MEMO1: variants seen among roughly 807,000 people sequenced by gnomAD.
MEMO1 encodes the protein mediator of cell motility 1.
In MEMO1, 6 loss-of-function variants were observed where a neutral mutation model predicts 45.2. That is an observed-to-expected ratio of 0.13 (90% CI 0.07 to 0.26). MEMO1 has a LOEUF of 0.26. Ranked by LOEUF, MEMO1 falls within the 10% of genes least tolerant of loss-of-function variation. MEMO1 has a pLI of 1.00. For synonymous variants in MEMO1, 78 were observed against 124.3 expected (o/e 0.63, Z 2.48); for missense variants, 184 against 370.5 (o/e 0.50, Z 4.13).
intron 2 of MEMO1, among the ~76,000 whole-genome samples, chr2:31,961,905 T>G (rs897808285): frequency 1.3e-5 from 2 of 152,112 alleles, no homozygotes; most frequent in African/African-American, 4.8e-5. Context: ...ATGGCAATGC[T>G]AAGAATCTGA....
At chr2:32,005,526 G>C (rs1673958704) in intron 2 of MEMO1, among the ~76,000 whole-genome samples, 1 of 151,932 alleles carries the variant, frequency 6.6e-6, no homozygotes, top group African/African-American at 2.4e-5. Context: ...AGCTGAACTT[G>C]TTTAAAGTAT....
rs541021432 is a variant in MEMO1 at position 31,929,349 on chromosome 2, C to T, written c.212+2718G>A. Among the ~76,000 whole-genome samples the T allele has an allele frequency of 9.2e-5, 14 of 152,062 alleles. No homozygotes were observed. In the South Asian group the frequency reaches 2.7e-3, roughly 29 times the overall value. ...CAAATATTTTTCCCATTCCGTTCATCGCTTCCACTGGTTACATTATGACAT... is the reference window on the plus strand; with the variant it reads ...CAAATATTTTTCCCATTCCGTTCATTGCTTCCACTGGTTACATTATGACAT... On this transcript the variant is annotated intron_variant, in intron 4 of 9. Coordinates refer to ENST00000404530, the MANE Select transcript of MEMO1 (RefSeq NM_001301833.4).
At chr2:31,936,020 G>A (rs755493591) in intron 3 of MEMO1, among the ~76,000 whole-genome samples, 10 of 151,952 alleles carry the variant, frequency 6.6e-5, no homozygotes, top group Non-Finnish European at 1.5e-4. Context: ...CTGGAGTGCA[G>A]TGGCCACATC....
At position 31,895,923 on chromosome 2, in the gene MEMO1, G is replaced by A. The variant is rs540556113; in HGVS notation, c.438-3789C>T. ...AGTGGCGAGATCTCAGCTCACTGTA[G>A]GCTCCGCCCCCCGGGGTTCACACCA... On this transcript the variant is annotated intron_variant, in intron 6 of 9. Transcript: ENST00000404530. Among the ~76,000 whole-genome samples, 7 of 144,318 alleles carry A rather than the reference G, an allele frequency of 4.9e-5. No homozygotes were observed. The South Asian group carries it at 1.5e-3, about 31-fold the overall frequency. 94.7% of individuals were successfully genotyped at this position (144,318 alleles called of 152,430 possible). A position where few individuals can be genotyped will look rare whatever the true frequency, so the allele number is the denominator to read the frequency against.
chr2:31,991,400 C>T (rs1671929226), intron 2 of MEMO1, among the ~76,000 whole-genome samples: 1 of 152,014 alleles, frequency 6.6e-6, no homozygotes, highest in South Asian at 2.1e-4. Flanking sequence ...GGAGAAACCC[C>T]GTCTCTACTA....
intron 4 of MEMO1, chr2:31,923,772 A>G: frequency 6.6e-7 from 1 of 1,513,910 alleles, no homozygotes; most frequent in Non-Finnish European, 8.8e-7. Context: ...GATTTTTAAA[A>G]TAACAATCTA....
chr2:31,890,603 C>T lies in MEMO1; in HGVS notation c.580+1389G>A, dbSNP rs542814837. ...ATTAAAGAACCCTGAATATTAAAAACAGATTTAAAAAAAGAAGAAGAACCC... is the reference window on the plus strand; with the variant it reads ...ATTAAAGAACCCTGAATATTAAAAATAGATTTAAAAAAAGAAGAAGAACCC... On this transcript the variant is annotated intron_variant, in intron 7 of 9. Coordinates refer to ENST00000404530, the MANE Select transcript of MEMO1 (RefSeq NM_001301833.4). Among the ~76,000 whole-genome samples the T allele has an allele frequency of 4.1e-3, 616 of 152,070 alleles. 3 individuals are homozygous for T. Among genetic ancestry groups the T allele is most frequent in the South Asian group, 0.02 (95 of 4,818 alleles).
At chr2:31,897,331 C>G (rs1468034663) in intron 6 of MEMO1, among the ~76,000 whole-genome samples, 1 of 152,190 alleles carries the variant, frequency 6.6e-6, no homozygotes, top group Non-Finnish European at 1.5e-5. Context: ...TTTGCCCATG[C>G]AGTATGATAC....
chr2:31,963,117 CTACA>C, intron 2 of MEMO1: 1 of 1,476,344 alleles, frequency 6.8e-7, no homozygotes, highest in Non-Finnish European at 9.1e-7. Context: ...CAGTCTCTAA[CTACA>C]CCATTAGCTC....
At chr2:31,974,444 A>G (rs560669483) in intron 2 of MEMO1, among the ~76,000 whole-genome samples, 1 of 152,322 alleles carries the variant, frequency 6.6e-6, no homozygotes, top group African/African-American at 2.4e-5. Context: ...TTTGCTTCTA[A>G]GTAAAAATTA....
intron 2 of MEMO1, chr2:31,963,425 A>G: frequency 1.3e-6 from 1 of 761,684 alleles, no homozygotes; most frequent in South Asian, 6.7e-5. Context: ...TATCTATGAC[A>G]GGTGAAAACA....
chr2:31,910,555 GTA>G (rs1481561751), intron 6 of MEMO1, among the ~76,000 whole-genome samples: 3 of 152,184 alleles, frequency 2.0e-5, no homozygotes, highest in Non-Finnish European at 4.4e-5. Flanking sequence ...CCATGAAGCA[GTA>G]TAGTGTTATT....
intron 2 of MEMO1, among the ~76,000 whole-genome samples, chr2:31,958,615 T>A (rs1245054248): frequency 6.6e-6 from 1 of 152,098 alleles, no homozygotes; most frequent in East Asian, 1.9e-4. Context: ...AAAGCCACCA[T>A]CCTCCAAACT....
At chr2:31,933,445 C>G (rs891965308) in intron 3 of MEMO1, among the ~76,000 whole-genome samples, 1 of 134,150 alleles carries the variant, frequency 7.5e-6, no homozygotes, top group Non-Finnish European at 1.5e-5. Flanking sequence ...TAAGCGAACA[C>G]AAGGAAACTT....
chr2:31,904,209 T>A (rs1679315639), intron 6 of MEMO1, among the ~76,000 whole-genome samples: 1 of 152,204 alleles, frequency 6.6e-6, no homozygotes, highest in African/African-American at 2.4e-5. Flanking sequence ...TGGTCCTTGG[T>A]TAGCATCTGT....
At chr2:31,919,895 C>A (rs371424637) in intron 5 of MEMO1, among the ~76,000 whole-genome samples, 19 of 150,178 alleles carry the variant, frequency 1.3e-4, no homozygotes, top group African/African-American at 4.7e-4. Context: ...CACATATGGG[C>A]GTGTGTGTAC....
At chr2:31,913,516 A>C (rs1439123672) in intron 6 of MEMO1, among the ~76,000 whole-genome samples, 1 of 144,844 alleles carries the variant, frequency 6.9e-6, no homozygotes, top group Non-Finnish European at 1.5e-5. Flanking sequence ...GATGATTAAG[A>C]GTTTTTTTTT....
In MEMO1 at chr2:31,998,528, C is replaced by T. The variant is rs373836240; in HGVS notation, c.61+11659G>A. Among the ~76,000 whole-genome samples the T allele has an allele frequency of 3.1e-4, 47 of 152,248 alleles. 2 individuals carry two copies. In the Middle Eastern group the frequency reaches 0.01, roughly 33 times the overall value. ...TTTAAAAATCATTTATGGCTGGGCA[C>T]AGTGGCTCACGCCTATAATCCCAGC... On this transcript the variant is annotated intron_variant, in intron 2 of 9. Transcript: ENST00000404530.
intron 6 of MEMO1, among the ~76,000 whole-genome samples, chr2:31,894,404 C>T (rs927363656): frequency 1.3e-5 from 2 of 152,182 alleles, no homozygotes; most frequent in Middle Eastern, 3.2e-3. Flanking sequence ...GAAAAGCCTG[C>T]AGATTTCTTA....
Sources: gnomAD v4.1 joint callset for allele counts (sites outside exome capture counted in the v4.1 genomes callset) on GRCh38, gnomAD v4.1.1 for gene constraint, MANE v1.5 for transcripts, NCBI Gene and HGNC (gene_info 2026-07-23, HGNC 2026-07-21) for gene names.